Variants in SGK3 observed in about 807,000 individuals in gnomAD.
SGK3 encodes the protein serine/threonine-protein kinase Sgk3.
SGK3 carries 47 observed loss-of-function variants against 68.5 expected under a neutral mutation model. That is an observed-to-expected ratio of 0.69 (90% CI 0.54 to 0.87). The LOEUF (loss-of-function observed/expected upper bound fraction) is 0.87, where lower values mean the gene tolerates loss of function less well. Ranked by LOEUF, SGK3 falls within the 40% of genes least tolerant of loss-of-function variation. The probability of loss-of-function intolerance (pLI) is 0.00; values close to 1 mark genes in which losing one functional copy is unlikely to be tolerated. For synonymous variants in SGK3, 181 were observed against 189.1 expected (o/e 0.96, Z 0.35); for missense variants, 479 against 575.5 (o/e 0.83, Z 1.72).
rs113679632 is a variant in SGK3 at position 66,828,967 on chromosome 8, GGT to G, written c.467+295_467+296del. On this transcript the variant is annotated intron_variant, in intron 7 of 16. Coordinates refer to ENST00000521198, the MANE Select transcript of SGK3 (RefSeq NM_001033578.3). ...CACTTTTCTGGGTGGGTGGGTGGGGGGTGTGTGTGTGTGTGTGTGTGTGTGTG... is the reference window on the plus strand; with the variant it reads ...CACTTTTCTGGGTGGGTGGGTGGGGGGTGTGTGTGTGTGTGTGTGTGTGTG... Among the ~76,000 whole-genome samples, 295 of 119,354 alleles carry G rather than the reference GGT, an allele frequency of 2.5e-3. 1 individual carries two copies. The highest frequency in any genetic ancestry group is 3.7e-3 in the African/African-American group (104 of 28,210). 78.3% of individuals were successfully genotyped at this position (119,354 alleles called of 152,430 possible).
chr8:66,803,444 C>T (rs563038930), intron 3 of SGK3, among the ~76,000 whole-genome samples: 2 of 152,014 alleles, frequency 1.3e-5, no homozygotes, highest in South Asian at 2.1e-4. Flanking sequence ...ATCCTCCCAC[C>T]TCAGCCTCCC....
At chr8:66,814,699 T>C (rs1808509591) in intron 5 of SGK3, among the ~76,000 whole-genome samples, 1 of 152,206 alleles carries the variant, frequency 6.6e-6, no homozygotes, top group South Asian at 2.1e-4. Flanking sequence ...GCCATTAAGA[T>C]AAAGGCGCTT....
intron 15 of SGK3, among the ~76,000 whole-genome samples, chr8:66,847,700 A>G (rs1206980458): frequency 6.6e-6 from 1 of 152,128 alleles, no homozygotes; most frequent in East Asian, 1.9e-4. Context: ...TTGCTAAATA[A>G]TACTAACATT....
intron 1 of SGK3, among the ~76,000 whole-genome samples, chr8:66,765,347 G>C (rs1181324519): frequency 2.6e-5 from 4 of 152,166 alleles, no homozygotes; most frequent in Admixed American, 2.6e-4. Context: ...GTGGCCATTT[G>C]TATATTTTCT....
chr8:66,788,557 A>G (rs1416308209), intron 1 of SGK3, among the ~76,000 whole-genome samples: 1 of 152,186 alleles, frequency 6.6e-6, no homozygotes, highest in East Asian at 1.9e-4. Flanking sequence ...GGCAGCTTTC[A>G]TTGCTCTAGA....
At chr8:66,817,486 G>T (rs544975500) in intron 5 of SGK3, among the ~76,000 whole-genome samples, 1 of 151,318 alleles carries the variant, frequency 6.6e-6, no homozygotes, top group African/African-American at 2.4e-5. Flanking sequence ...CCGGGTAGCT[G>T]GGACCACAGG....
chr8:66,815,525 C>A (rs1808541890), intron 5 of SGK3, among the ~76,000 whole-genome samples: 1 of 152,190 alleles, frequency 6.6e-6, no homozygotes, highest in Non-Finnish European at 1.5e-5. Flanking sequence ...ATACGCTATG[C>A]TATCTTCACC....
At chr8:66,793,976 C>T (rs1474297873) in intron 2 of SGK3, 144 bp downstream of exon 2, 5 of 873,064 alleles carry the variant, frequency 5.7e-6, no homozygotes, top group Non-Finnish European at 8.6e-6. Flanking sequence ...CTGTTCTCCA[C>T]AAAGTCTTCT....
chr8:66,802,476 C>T (rs1209009384), intron 3 of SGK3, among the ~76,000 whole-genome samples: 1 of 151,984 alleles, frequency 6.6e-6, no homozygotes, highest in African/African-American at 2.4e-5. Context: ...ATTGCTTGAG[C>T]TCAGGAGTTC....
chr8:66,774,477 C>T (rs1408152172), intron 1 of SGK3, among the ~76,000 whole-genome samples: 4 of 152,024 alleles, frequency 2.6e-5, no homozygotes, highest in African/African-American at 9.7e-5. Flanking sequence ...TTGATGCTTC[C>T]AGCCGTTTTT....
At chr8:66,796,398 C>T (rs1807696061) in intron 2 of SGK3, among the ~76,000 whole-genome samples, 1 of 136,062 alleles carries the variant, frequency 7.3e-6, no homozygotes, top group African/African-American at 2.8e-5. Context: ...ATCTCTTGAC[C>T]TCGTGATCCG....
At chr8:66,772,558 CTA>C (rs1213531114) in intron 1 of SGK3, among the ~76,000 whole-genome samples, 2 of 141,800 alleles carry the variant, frequency 1.4e-5, no homozygotes, top group African/African-American at 5.4e-5. Flanking sequence ...CTACACCTGG[CTA>C]TTTTTTTTTT....
At chr8:66,742,292 A>G (rs1466815237) in intron 1 of SGK3, among the ~76,000 whole-genome samples, 3 of 152,342 alleles carry the variant, frequency 2.0e-5, no homozygotes, top group East Asian at 1.9e-4. Flanking sequence ...CAAAATGAAT[A>G]AAATGAACTT....
chr8:66,755,275 G>C (rs199754478), intron 1 of SGK3, among the ~76,000 whole-genome samples: 9 of 141,916 alleles, frequency 6.3e-5, no homozygotes, highest in Non-Finnish European at 1.4e-4. Context: ...AAAAAAAAAC[G>C]AAAAACAGCA....
intron 4 of SGK3, among the ~76,000 whole-genome samples, chr8:66,805,591 C>A (rs1457285869): frequency 6.6e-6 from 1 of 151,858 alleles, no homozygotes; most frequent in Non-Finnish European, 1.5e-5. Flanking sequence ...CACAGAGGGT[C>A]TCAGCATCTA....
intron 7 of SGK3, among the ~76,000 whole-genome samples, chr8:66,829,854 G>A (rs1421847104): frequency 6.6e-6 from 1 of 150,628 alleles, no homozygotes; most frequent in Admixed American, 6.6e-5. Context: ...AAAAATGGCA[G>A]CACAAAAAAT....
At chr8:66,795,815 A>G (rs1585727869) in intron 2 of SGK3, among the ~76,000 whole-genome samples, 1 of 151,596 alleles carries the variant, frequency 6.6e-6, no homozygotes, top group Non-Finnish European at 1.5e-5. Context: ...TAGCACCTTC[A>G]CACCCCACCC....
chr8:66,818,389 G>A (rs1808680724), intron 5 of SGK3, among the ~76,000 whole-genome samples: 1 of 152,270 alleles, frequency 6.6e-6, no homozygotes, highest in African/African-American at 2.4e-5. Flanking sequence ...GAAATGAAAT[G>A]GAAGCAGAAA....
chr8:66,720,522 C>T (rs1485569465), intron 1 of SGK3, among the ~76,000 whole-genome samples: 2 of 152,028 alleles, frequency 1.3e-5, no homozygotes, highest in Non-Finnish European at 2.9e-5. Context: ...GTAATCCCAG[C>T]ATTTTGGGAG....
Sources: gnomAD v4.1 joint callset for allele counts (sites outside exome capture counted in the v4.1 genomes callset) on GRCh38, gnomAD v4.1.1 for gene constraint, MANE v1.5 for transcripts, NCBI Gene and HGNC (gene_info 2026-07-23, HGNC 2026-07-21) for gene names.